TTC29: variants seen among roughly 807,000 people sequenced by gnomAD.
TTC29 encodes the protein tetratricopeptide repeat domain 29.
In TTC29, 49 loss-of-function variants were observed where a neutral mutation model predicts 58.1. The observed-to-expected ratio is 0.84, with a 90% CI of 0.67 to 1.07. The LOEUF (loss-of-function observed/expected upper bound fraction) is 1.07, where lower values mean the gene tolerates loss of function less well. Among genes scored for constraint, TTC29 ranks in the 50% least tolerant of loss-of-function variants. TTC29 has a pLI of 0.00. For synonymous variants in TTC29, 209 were observed against 196.8 expected, an observed-to-expected ratio of 1.06 and a Z score of -0.52; for missense variants, 582 against 555.6, an observed-to-expected ratio of 1.05 and a Z score of -0.48.
At chr4:146,714,437 A>G (rs1306464524) in intron 11 of TTC29, among the ~76,000 whole-genome samples, 1 of 152,140 alleles carries the variant, frequency 6.6e-6, no homozygotes, top group Non-Finnish European at 1.5e-5. Flanking sequence ...AAGCAGCCTA[A>G]TAGACATTTA....
At chr4:146,937,752 CAGG>C (rs1735972801) in intron 3 of TTC29, 75 bp from the exon 4 acceptor site, 1 of 808,980 alleles carries the variant, frequency 1.2e-6, no homozygotes, top group East Asian at 2.9e-5. Context: ...AAAATGCCAC[CAGG>C]AGAATAGAAA....
At position 146,840,691 on chromosome 4, in the gene TTC29, G is replaced by A. The variant is rs560606371; in HGVS notation, c.886-6794C>T. Among the ~76,000 whole-genome samples the A allele has an allele frequency of 2.6e-5, 4 of 152,156 alleles. No individual in the cohort carries two copies. In the East Asian group the frequency reaches 7.7e-4, roughly 29 times the overall value. On this transcript the variant is annotated intron_variant, in intron 8 of 12. Transcript: ENST00000325106. ...GGGCAACGGGAAGACAATTTGTAATGAAATAAATAAATAAATGAATTTCAG... is the reference window on the plus strand; with the variant it reads ...GGGCAACGGGAAGACAATTTGTAATAAAATAAATAAATAAATGAATTTCAG...
Position 146,880,060 on chromosome 4 carries a change from TCCA to T in TTC29, c.587-5135_587-5133del, listed in dbSNP as rs554189837. Among the ~76,000 whole-genome samples, 424 of 152,200 alleles carry T rather than the reference TCCA, an allele frequency of 2.8e-3. 2 individuals carry two copies. Among genetic ancestry groups the T allele is most frequent in the Non-Finnish European group, 5.1e-3 (346 of 67,992 alleles). ...CTATACCAAGCAAAAGTCCAGATAG[TCCA>T]CCAACATTTCATGTGAACCAGGGAA... On this transcript the variant is annotated intron_variant, in intron 6 of 12. Transcript: ENST00000325106.
chr4:146,771,565 C>T (rs529144013), intron 11 of TTC29, among the ~76,000 whole-genome samples: 1 of 152,204 alleles, frequency 6.6e-6, no homozygotes, highest in African/African-American at 2.4e-5. Context: ...CCAGCTCTAT[C>T]CATATTGCTG....
chr4:146,825,776 C>A (rs1727748908), intron 9 of TTC29, among the ~76,000 whole-genome samples: 1 of 152,144 alleles, frequency 6.6e-6, no homozygotes, highest in South Asian at 2.1e-4. Context: ...TTTTATGAAT[C>A]TGGGTGCTCC....
At chr4:146,790,616 T>C (rs948450533) in intron 11 of TTC29, among the ~76,000 whole-genome samples, 3 of 152,224 alleles carry the variant, frequency 2.0e-5, no homozygotes, top group Admixed American at 6.5e-5. Flanking sequence ...TTCTACTTTA[T>C]ACATGTAGGT....
intron 11 of TTC29, among the ~76,000 whole-genome samples, chr4:146,794,705 C>A (rs28602486): frequency 0.046 from 7,005 of 152,054 alleles, 235 homozygotes; most frequent in East Asian, 0.14. Context: ...GGCTAGAAGC[C>A]CTTTGAAGGG....
intron 2 of TTC29, among the ~76,000 whole-genome samples, chr4:146,942,143 AT>A (rs1349635589): frequency 1.3e-5 from 2 of 152,248 alleles, no homozygotes; most frequent in Non-Finnish European, 2.9e-5. Flanking sequence ...TCAGTGGTTT[AT>A]TTTAAATATA....
intron 9 of TTC29, among the ~76,000 whole-genome samples, chr4:146,829,830 G>T (rs975313521): frequency 6.6e-6 from 1 of 152,148 alleles, no homozygotes; most frequent in African/African-American, 2.4e-5. Flanking sequence ...AGATGGGTTA[G>T]TTGTGACCAA....
intron 10 of TTC29, among the ~76,000 whole-genome samples, chr4:146,809,019 G>A (rs535702601): frequency 1.3e-5 from 2 of 150,818 alleles, no homozygotes; most frequent in Non-Finnish European, 3.0e-5. Context: ...AAACAGCATG[G>A]TACTGGTACC....
chr4:146,823,786 G>A (rs1190920526), intron 9 of TTC29, among the ~76,000 whole-genome samples: 4 of 152,106 alleles, frequency 2.6e-5, no homozygotes, highest in Admixed American at 1.3e-4. Flanking sequence ...TTCAGTAGTG[G>A]TTTGTAGTGC....
At chr4:146,779,045 C>G (rs1748367657) in intron 11 of TTC29, among the ~76,000 whole-genome samples, 1 of 133,260 alleles carries the variant, frequency 7.5e-6, no homozygotes, top group African/African-American at 2.9e-5. Flanking sequence ...GACTTACGGG[C>G]TAGACAACAA....
At position 146,937,797 on chromosome 4, in the gene TTC29, G is replaced by A. The variant is rs41280537; in HGVS notation, c.93-120C>T. On this transcript the variant is annotated intron_variant, in intron 3 of 12. Transcript: ENST00000325106. ...GGGTATAATACCATATGTAATAAAC[G>A]CAATAGCTATAGAGTTAGGTCGTTG... The A allele has an allele frequency of 3.4e-3, 1,825 of 530,836 alleles. 30 individuals carry two copies. Among genetic ancestry groups the A allele is most frequent in the African/African-American group, 0.033 (1,664 of 49,722 alleles). 32.9% of individuals were successfully genotyped at this position (530,836 alleles called of 1,614,324 possible).
intron 8 of TTC29, among the ~76,000 whole-genome samples, chr4:146,843,177 G>A (rs1370060033): frequency 6.6e-6 from 1 of 151,692 alleles, no homozygotes; most frequent in East Asian, 1.9e-4. Context: ...AAGGCAAATA[G>A]CAGTGGCCCC....
intron 2 of TTC29, among the ~76,000 whole-genome samples, chr4:146,943,169 CTTTTTTTTTTTTT>C (rs61184684): frequency 0.21 from 12,317 of 59,718 alleles, 1,175 homozygotes; most frequent in African/African-American, 0.41. Flanking sequence ...ATCAACTGTG[CTTTTTTTTTTTTT>C]TTTTTTTTTT....
At chr4:146,814,580 G>A (rs933660549) in intron 10 of TTC29, among the ~76,000 whole-genome samples, 2 of 152,030 alleles carry the variant, frequency 1.3e-5, no homozygotes, top group Non-Finnish European at 2.9e-5. Context: ...ACAAAAATTA[G>A]CTGGGCGTGG....
intron 11 of TTC29, among the ~76,000 whole-genome samples, chr4:146,711,920 T>C (rs1742522267): frequency 6.6e-6 from 1 of 152,092 alleles, no homozygotes; most frequent in African/African-American, 2.4e-5. Context: ...GCCACTGTAC[T>C]GAAGAGAACG....
intron 7 of TTC29, among the ~76,000 whole-genome samples, chr4:146,868,043 C>G (rs1255234295): frequency 6.6e-6 from 1 of 152,122 alleles, no homozygotes; most frequent in Admixed American, 6.6e-5. Flanking sequence ...CATTCATACT[C>G]AATCACATGG....
At chr4:146,906,683 G>A (rs992799548) in intron 5 of TTC29, among the ~76,000 whole-genome samples, 6 of 152,096 alleles carry the variant, frequency 3.9e-5, no homozygotes, top group African/African-American at 1.4e-4. Context: ...TTTGAAAAAA[G>A]GTGACACAAA....
Sources: gnomAD v4.1 joint callset for allele counts (sites outside exome capture counted in the v4.1 genomes callset) on GRCh38, gnomAD v4.1.1 for gene constraint, MANE v1.5 for transcripts, NCBI Gene and HGNC (gene_info 2026-07-23, HGNC 2026-07-21) for gene names.